MAP3K5: variants seen among roughly 807,000 people sequenced by gnomAD.
The protein encoded by MAP3K5 is mitogen-activated protein kinase kinase kinase 5, also known as ASK-1.
Under a neutral mutation model 158.7 loss-of-function variants are expected in MAP3K5, and 56 were observed. The observed-to-expected ratio is 0.35, with a 90% CI of 0.28 to 0.44. The LOEUF is 0.44. MAP3K5 is among the 20% of genes least tolerant of loss of function. The probability of loss-of-function intolerance (pLI) is 1.00; values close to 1 mark genes in which losing one functional copy is unlikely to be tolerated. For synonymous variants in MAP3K5, 579 were observed against 601.7 expected (o/e 0.96, Z 0.55); for missense variants, 1,294 against 1,674.8 (o/e 0.77, Z 3.97).
At chr6:136,614,587 T>G (rs1776483701) in intron 15 of MAP3K5, among the ~76,000 whole-genome samples, 1 of 152,190 alleles carries the variant, frequency 6.6e-6, no homozygotes, top group South Asian at 2.1e-4. Context: ...ATGACTGACT[T>G]GCTCAAGATC....
chr6:136,579,594 C>T (rs912963793), intron 25 of MAP3K5, among the ~76,000 whole-genome samples: 2 of 152,134 alleles, frequency 1.3e-5, no homozygotes, highest in African/African-American at 4.8e-5. Context: ...AGAGAATGTA[C>T]AACACCAAGA....
chr6:136,562,870 T>A (rs1280844389), intron 26 of MAP3K5, among the ~76,000 whole-genome samples: 1 of 131,536 alleles, frequency 7.6e-6, no homozygotes, highest in Non-Finnish European at 1.6e-5. Context: ...AGAGACAGAG[T>A]CTTGCTATGT....
At chr6:136,789,104 T>C (rs1784961002) in intron 1 of MAP3K5, among the ~76,000 whole-genome samples, 1 of 152,118 alleles carries the variant, frequency 6.6e-6, no homozygotes, top group African/African-American at 2.4e-5. Flanking sequence ...GAGACCTGTC[T>C]GGGCAACATA....
chr6:136,580,455 G>A (rs779694545), intron 24 of MAP3K5, 49 bp from the exon 25 acceptor site: 79 of 1,160,966 alleles, frequency 6.8e-5, no homozygotes, highest in Non-Finnish European at 1.0e-4. Context: ...ATTGCAAATA[G>A]CCTAGATGAT....
chr6:136,664,163 T>C (rs550143574), intron 8 of MAP3K5, among the ~76,000 whole-genome samples: 8 of 152,224 alleles, frequency 5.3e-5, no homozygotes, highest in Admixed American at 5.2e-4. Flanking sequence ...TCCTGTCAGA[T>C]CAGCAACAGC....
At chr6:136,659,151 T>A in intron 9 of MAP3K5, 68 bp downstream of exon 9, 4 of 1,318,762 alleles carry the variant, frequency 3.0e-6, no homozygotes, top group Non-Finnish European at 4.2e-6. Context: ...GTCAGTTCAA[T>A]AAATATAATA....
intron 8 of MAP3K5, among the ~76,000 whole-genome samples, chr6:136,661,049 T>A (rs147992068): frequency 6.6e-6 from 1 of 152,316 alleles, no homozygotes; most frequent in African/African-American, 2.4e-5. Flanking sequence ...ATCTTACTAG[T>A]TTCCATATTA....
intron 3 of MAP3K5, among the ~76,000 whole-genome samples, chr6:136,701,126 T>G (rs1035382259): frequency 6.6e-6 from 1 of 152,162 alleles, no homozygotes; most frequent in Non-Finnish European, 1.5e-5. Context: ...TGTGACATGT[T>G]TGGCACTCCA....
At chr6:136,725,737 C>T (rs891800729) in intron 1 of MAP3K5, among the ~76,000 whole-genome samples, 1 of 151,932 alleles carries the variant, frequency 6.6e-6, no homozygotes, top group Non-Finnish European at 1.5e-5. Flanking sequence ...ATGGATTGTG[C>T]TTCAGGTGTG....
At position 136,728,351 on chromosome 6, in the gene MAP3K5, T is replaced by G. The variant is rs569657449; in HGVS notation, c.449-7762A>C. Among the ~76,000 whole-genome samples the G allele has an allele frequency of 6.6e-5, 10 of 152,292 alleles. No individual in the cohort carries two copies. In the East Asian group the frequency reaches 1.5e-3, roughly 24 times the overall value. On this transcript the variant is annotated intron_variant, in intron 1 of 29. Transcript: ENST00000359015. ...TTTCTGAAATTTGACCTAAAAGTCA[T>G]GTCCTGTTAGAGTCTCCTAAAGACT... is the stretch of plus-strand genomic sequence containing the variant.
chr6:136,772,690 G>A (rs1187969267), intron 1 of MAP3K5, among the ~76,000 whole-genome samples: 1 of 152,180 alleles, frequency 6.6e-6, no homozygotes, highest in Non-Finnish European at 1.5e-5. Context: ...TCCACTGTAA[G>A]TTTACAAAGT....
chr6:136,599,475 ATC>A (rs71737097), intron 21 of MAP3K5, among the ~76,000 whole-genome samples: 414 of 140,728 alleles, frequency 2.9e-3, no homozygotes, highest in South Asian at 9.0e-3. Context: ...CACTTAAAGG[ATC>A]TCTCTCTCTC....
At chr6:136,720,386 T>C in intron 2 of MAP3K5, 64 bp downstream of exon 2, 1 of 1,435,260 alleles carries the variant, frequency 7.0e-7, no homozygotes, top group East Asian at 2.5e-5. Flanking sequence ...AATGTTTGGA[T>C]GACAAACCGG....
rs528385864 is a variant in MAP3K5, at chr6:136,649,423, A to G, written c.1788+1561T>C. On this transcript the variant is annotated intron_variant, in intron 11 of 29. Transcript: ENST00000359015. ...GAGCTACTACAATTGAGTAATTACT[A>G]TGTTTACATCCCTATTAAAGTTGTT... 4.6e-5 allele frequency among the ~76,000 whole-genome samples: 7 copies of G among 152,348 alleles called. No individual in the cohort carries two copies. The South Asian group carries it at 1.5e-3, about 32-fold the overall frequency.
intron 2 of MAP3K5, among the ~76,000 whole-genome samples, chr6:136,705,427 T>C (rs1781030741): frequency 6.6e-6 from 1 of 152,142 alleles, no homozygotes; most frequent in South Asian, 2.1e-4. Flanking sequence ...CCCAAGTAGC[T>C]AGGACTACAG....
At chr6:136,661,690 A>G (rs934816287) in intron 8 of MAP3K5, among the ~76,000 whole-genome samples, 3 of 152,082 alleles carry the variant, frequency 2.0e-5, no homozygotes, top group Non-Finnish European at 4.4e-5. Flanking sequence ...CTGGCTAATT[A>G]AATTTCTTTG....
At chr6:136,577,056 T>C (rs998822012) in intron 25 of MAP3K5, among the ~76,000 whole-genome samples, 1 of 152,128 alleles carries the variant, frequency 6.6e-6, no homozygotes, top group Admixed American at 6.5e-5. Flanking sequence ...TCTCAGAACA[T>C]AGCCCTGTCA....
At chr6:136,683,398 G>A (rs1780015302) in intron 7 of MAP3K5, among the ~76,000 whole-genome samples, 1 of 152,212 alleles carries the variant, frequency 6.6e-6, no homozygotes, top group Non-Finnish European at 1.5e-5. Flanking sequence ...TCTTGGAATG[G>A]CCATAGCCAT....
At chr6:136,758,163 A>G (rs1783589904) in intron 1 of MAP3K5, among the ~76,000 whole-genome samples, 1 of 152,222 alleles carries the variant, frequency 6.6e-6, no homozygotes, top group South Asian at 2.1e-4. Context: ...ACTGCAGATC[A>G]ATGTCATCAT....
Sources: allele counts gnomAD v4.1 joint callset (sites outside exome capture counted in the v4.1 genomes callset), GRCh38; gene constraint gnomAD v4.1.1; transcripts MANE v1.5; gene names NCBI Gene and HGNC (gene_info 2026-07-23, HGNC 2026-07-21).